Variants in SIPA1L1 observed in about 807,000 individuals in gnomAD.
The protein encoded by SIPA1L1 is signal-induced proliferation-associated 1-like protein 1.
SIPA1L1 carries 26 observed loss-of-function variants against 162.7 expected under a neutral mutation model. The observed-to-expected ratio is 0.16, with a 90% CI of 0.12 to 0.22. SIPA1L1 has a LOEUF of 0.22. Among genes scored for constraint, SIPA1L1 ranks in the 10% least tolerant of loss-of-function variants. The probability of loss-of-function intolerance (pLI) is 1.00; values close to 1 mark genes in which losing one functional copy is unlikely to be tolerated. For synonymous variants in SIPA1L1, 829 were observed against 837.4 expected, an observed-to-expected ratio of 0.99 and a Z score of 0.17; for missense variants, 1,874 against 2,241.0, an observed-to-expected ratio of 0.84 and a Z score of 3.31.
At chr14:71,620,083 G>C (rs1384723345) in intron 6 of SIPA1L1, among the ~76,000 whole-genome samples, 3 of 152,138 alleles carry the variant, frequency 2.0e-5, no homozygotes, top group Non-Finnish European at 4.4e-5. Context: ...TTGTTTGTTT[G>C]TTTTTGAGAC....
chr14:71,735,651 C>T (rs1348090486), intron 22 of SIPA1L1: 1 of 356,862 alleles, frequency 2.8e-6, no homozygotes, highest in Non-Finnish European at 5.1e-6. Flanking sequence ...GCCCTCAGGG[C>T]CAGTTGGGGC....
At chr14:71,701,329 T>A (rs1043109305) in intron 14 of SIPA1L1, among the ~76,000 whole-genome samples, 1 of 151,332 alleles carries the variant, frequency 6.6e-6, no homozygotes, top group African/African-American at 2.4e-5. Context: ...CAAGCCATCC[T>A]CCCACCTCAG....
At chr14:71,690,800 G>T (rs2081199045) in intron 13 of SIPA1L1, among the ~76,000 whole-genome samples, 2 of 152,184 alleles carry the variant, frequency 1.3e-5, no homozygotes, top group South Asian at 4.1e-4. Flanking sequence ...AACCTCAACT[G>T]TCATCTGTAT....
intron 16 of SIPA1L1, among the ~76,000 whole-genome samples, chr14:71,706,941 A>T (rs1308718863): frequency 1.3e-5 from 2 of 151,588 alleles, no homozygotes; most frequent in Non-Finnish European, 2.9e-5. Context: ...GCTGTGAGAC[A>T]GGAGAACCGC....
chr14:71,695,272 CTCTATGTGTGT>C lies in SIPA1L1; in HGVS notation c.3375-3697_3375-3687del, dbSNP rs539181574. ...CATTTGGGTGGCATTCCATCAGTTG[CTCTATGTGTGT>C]TCTATGTGTGTGAACAGTCAGAAAA... On this transcript the variant is annotated intron_variant, in intron 13 of 23. Transcript: ENST00000381232. Among the ~76,000 whole-genome samples, 469 of 152,314 alleles carry C rather than the reference CTCTATGTGTGT, an allele frequency of 3.1e-3. 2 individuals carry two copies. Among genetic ancestry groups the C allele is most frequent in the Non-Finnish European group, 5.2e-3 (357 of 68,022 alleles).
chr14:71,423,154 A>G (rs1281645319), intron 2 of SIPA1L1, among the ~76,000 whole-genome samples: 1 of 152,102 alleles, frequency 6.6e-6, no homozygotes, highest in Admixed American at 6.5e-5. Flanking sequence ...ATCTTTGCCC[A>G]TTTTTGAATC....
chr14:71,590,038 AAAAAAAAT>A (rs1186924803), intron 5 of SIPA1L1, among the ~76,000 whole-genome samples: 19 of 68,094 alleles, frequency 2.8e-4, no homozygotes, highest in African/African-American at 1.1e-3. Context: ...AAAAAAAAAA[AAAAAAAAT>A]ATATATATAT....
chr14:71,588,042 C>A lies in SIPA1L1; in HGVS notation c.170C>A (p.Pro57His), dbSNP rs148958695. 8.7e-4 allele frequency: 1,407 copies of A among 1,614,114 alleles called. 1 individual carries two copies. The highest frequency in any genetic ancestry group is 9.2e-4 in the Non-Finnish European group (1,084 of 1,180,002). Reference protein sequence around the residue: ...GSSVMAPVGPPRSEGSHHITS... With the variant: ...GSSVMAPVGPHRSEGSHHITS... ...TCAGTTATGGCTCCTGTAGGACCCC[C>A]CCGAAGTGAAGGTTCTCACCATATA... Residue 57 changes from proline to histidine, a missense_variant, in exon 5 of 24, where the codon CCC becomes CAC. Physicochemically the swap from Pro to His is moderately conservative, Grantham distance 77 (BLOSUM62 -2). Around this residue, in one of 5 missense-constraint regions of SIPA1L1, gnomAD observed 685 missense variants for 828.0 expected, o/e 0.83. Coordinates refer to ENST00000381232, the MANE Select transcript of SIPA1L1 (RefSeq NM_001386936.1). The surrounding 1 kb of genome is among the most constrained non-coding windows in gnomAD (Gnocchi z 4.3).
At chr14:71,636,075 A>G (rs2041116051) in intron 7 of SIPA1L1, among the ~76,000 whole-genome samples, 1 of 152,302 alleles carries the variant, frequency 6.6e-6, no homozygotes, top group East Asian at 1.9e-4. Context: ...AACTGATGAA[A>G]CTAAAAGGAG....
intron 4 of SIPA1L1, among the ~76,000 whole-genome samples, chr14:71,572,345 T>A (rs2032233851): frequency 6.6e-6 from 1 of 152,208 alleles, no homozygotes. Flanking sequence ...GGCAAATGTT[T>A]TACTACCTGT....
At chr14:71,342,936 T>TTA (rs2035803235) in intron 2 of SIPA1L1, among the ~76,000 whole-genome samples, 1 of 152,232 alleles carries the variant, frequency 6.6e-6, no homozygotes, top group Admixed American at 6.5e-5. Flanking sequence ...AAAAGGATTG[T>TTA]TAAACTTTCG....
intron 16 of SIPA1L1, among the ~76,000 whole-genome samples, chr14:71,708,644 A>G (rs1309565157): frequency 3.9e-5 from 6 of 152,010 alleles, no homozygotes; most frequent in African/African-American, 1.4e-4. Context: ...TCTTTTTTGC[A>G]TGTGAATATT....
rs867458749 is a variant in SIPA1L1 at position 71,411,417 on chromosome 14, A to G, written c.-465+90236A>G. 4.3e-4 allele frequency among the ~76,000 whole-genome samples: 65 copies of G among 152,206 alleles called. No homozygotes were observed. In the Middle Eastern group the frequency reaches 0.01, roughly 24 times the overall value. On this transcript the variant is annotated intron_variant, in intron 2 of 23. Transcript: ENST00000381232. ...GCTTTGTTCTCTTAGCCATTGATAG[A>G]TATTGAGAAGTTGTCCTTGAACCTG... is the stretch of plus-strand genomic sequence containing the variant.
At chr14:71,461,324 T>C (rs1015448848) in intron 2 of SIPA1L1, among the ~76,000 whole-genome samples, 10 of 152,232 alleles carry the variant, frequency 6.6e-5, no homozygotes, top group Non-Finnish European at 1.5e-4. Flanking sequence ...ACAGCCTTGG[T>C]GAGTGGAAGT....
At chr14:71,670,313 A>C (rs917999135) in intron 10 of SIPA1L1, among the ~76,000 whole-genome samples, 1 of 152,170 alleles carries the variant, frequency 6.6e-6, no homozygotes, top group Non-Finnish European at 1.5e-5. Flanking sequence ...TCTTAGGCCC[A>C]ATTTTAGGAA....
chr14:71,435,978 T>C (rs1432498305), intron 2 of SIPA1L1, among the ~76,000 whole-genome samples: 2 of 152,214 alleles, frequency 1.3e-5, no homozygotes, highest in African/African-American at 2.4e-5. Context: ...TGTATGTGTT[T>C]TACCTCCCCC....
intron 7 of SIPA1L1, among the ~76,000 whole-genome samples, chr14:71,646,635 C>A (rs75638904): frequency 2.0e-5 from 3 of 152,178 alleles, no homozygotes; most frequent in Non-Finnish European, 4.4e-5. Flanking sequence ...AGCCCTTGTC[C>A]CATTGGACTG....
intron 12 of SIPA1L1, among the ~76,000 whole-genome samples, chr14:71,673,594 T>C (rs960086692): frequency 6.6e-6 from 1 of 152,166 alleles, no homozygotes; most frequent in Non-Finnish European, 1.5e-5. Flanking sequence ...TATATATGTG[T>C]GTGTGTGTGC....
At chr14:71,535,778 AT>A (rs1001600609) in intron 4 of SIPA1L1, among the ~76,000 whole-genome samples, 17 of 147,188 alleles carry the variant, frequency 1.2e-4, no homozygotes, top group East Asian at 6.0e-4. Context: ...CACCCAGCTA[AT>A]TTTTTTTTTT....
Sources: allele counts gnomAD v4.1 joint callset (sites outside exome capture counted in the v4.1 genomes callset), GRCh38; gene constraint gnomAD v4.1.1; regional missense constraint gnomAD v4.1.1; non-coding constraint Gnocchi (gnomAD v3.1); transcripts MANE v1.5; gene names NCBI Gene and HGNC (gene_info 2026-07-23, HGNC 2026-07-21).